The following DOK6 variants were observed in gnomAD, a reference collection of about 807,000 sequenced individuals.
DOK6 encodes the protein downstream of tyrosine kinase 6.
DOK6 carries 22 observed loss-of-function variants against 44.0 expected under a neutral mutation model. The observed-to-expected ratio is 0.50, with a 90% confidence interval of 0.36 to 0.71. The LOEUF is 0.71. Ranked by LOEUF, DOK6 falls within the 30% of genes least tolerant of loss-of-function variation. DOK6 has a pLI of 0.00. For synonymous variants in DOK6, 166 were observed against 145.5 expected, an observed-to-expected ratio of 1.14 and a Z score of -1.01; for missense variants, 340 against 416.4, an observed-to-expected ratio of 0.82 and a Z score of 1.60.
chr18:69,586,651 G>A (rs1387384122), intron 2 of DOK6, among the ~76,000 whole-genome samples: 1 of 152,166 alleles, frequency 6.6e-6, no homozygotes, highest in Admixed American at 6.5e-5. Flanking sequence ...CAGATGAAGA[G>A]CTCACCAGCT....
chr18:69,466,988 G>C (rs1335812848), intron 1 of DOK6, among the ~76,000 whole-genome samples: 3 of 151,972 alleles, frequency 2.0e-5, no homozygotes, highest in Non-Finnish European at 4.4e-5. Flanking sequence ...AAGGAGGAAA[G>C]ACCATGAAGG....
At chr18:69,470,702 A>T (rs953618245) in intron 1 of DOK6, among the ~76,000 whole-genome samples, 2 of 152,110 alleles carry the variant, frequency 1.3e-5, no homozygotes, top group African/African-American at 4.8e-5. Context: ...GCGGGAGGGA[A>T]TACATATATA....
chr18:69,445,132 C>T (rs181010058), intron 1 of DOK6, among the ~76,000 whole-genome samples: 266 of 152,170 alleles, frequency 1.7e-3, no homozygotes, highest in South Asian at 3.5e-3. Flanking sequence ...TTAATTGCTA[C>T]GGCATGGAAA....
In DOK6 at chr18:69,677,812, A is replaced by G; in HGVS notation, c.368A>G (p.Glu123Gly). The change falls in exon 4 of 8, where the codon GAG becomes GGG. Residue 123 changes from glutamate (E) to glycine (G), a missense_variant. Physicochemically the swap from Glu to Gly is moderately conservative, Grantham distance 98 (BLOSUM62 -2). Transcript: ENST00000382713. ...GTRLNDISLG[E>G]PDLLAAGVQR... is the part of the protein sequence containing the mutation. ...AGGCTCAATGATATCAGCCTTGGGG[A>G]GCCCGACCTTCTGGCCGCAGGAGTG... is the stretch of plus-strand genomic sequence containing the variant. 6.2e-7 allele frequency: 1 copy of G among 1,613,844 alleles called. No individual in the cohort carries two copies. Among genetic ancestry groups the G allele is most frequent in the Non-Finnish European group, 8.5e-7 (1 of 1,179,796 alleles).
chr18:69,812,999 A>T (rs775748430), intron 7 of DOK6, among the ~76,000 whole-genome samples: 7 of 152,138 alleles, frequency 4.6e-5, no homozygotes, highest in Non-Finnish European at 7.4e-5. Flanking sequence ...TATGAACGTG[A>T]CACATAAAAA....
Position 69,558,131 on chromosome 18 carries a change from C to T in DOK6, c.67-6356C>T, listed in dbSNP as rs549142265. 4.6e-5 allele frequency among the ~76,000 whole-genome samples: 7 copies of T among 152,168 alleles called. No homozygotes were observed. In the East Asian group the frequency reaches 7.7e-4, roughly 17 times the overall value. ...TCTCCAAGGAGTGATTTCCTGGTCT[C>T]GGGCAGTCATTTCTGCTGTTCAGTC... is the stretch of plus-strand genomic sequence containing the variant. On this transcript the variant is annotated intron_variant, in intron 1 of 7. Transcript: ENST00000382713.
chr18:69,800,485 T>A (rs1276562278), intron 7 of DOK6, among the ~76,000 whole-genome samples: 3 of 152,180 alleles, frequency 2.0e-5, no homozygotes, highest in Admixed American at 6.6e-5. Context: ...TCTGTATACA[T>A]GTGTAATACA....
At chr18:69,585,388 T>C (rs1983475306) in intron 2 of DOK6, among the ~76,000 whole-genome samples, 1 of 152,202 alleles carries the variant, frequency 6.6e-6, no homozygotes, top group Non-Finnish European at 1.5e-5. Context: ...TAAGACTTTT[T>C]TATCACCATC....
intron 3 of DOK6, among the ~76,000 whole-genome samples, chr18:69,668,411 C>A (rs569856221): frequency 2.7e-4 from 41 of 151,970 alleles, no homozygotes; most frequent in Non-Finnish European, 5.3e-4. Flanking sequence ...TCATGCTATT[C>A]TTTTCATTTT....
At chr18:69,570,573 T>C (rs984686380) in intron 2 of DOK6, among the ~76,000 whole-genome samples, 1 of 152,118 alleles carries the variant, frequency 6.6e-6, no homozygotes, top group African/African-American at 2.4e-5. Context: ...GACATGAATT[T>C]ACAGATTTAA....
At chr18:69,827,854 A>C (rs1981785587) in intron 7 of DOK6, among the ~76,000 whole-genome samples, 1 of 151,982 alleles carries the variant, frequency 6.6e-6, no homozygotes, top group Non-Finnish European at 1.5e-5. Flanking sequence ...TCTCATGAAA[A>C]TGTGTTTTCT....
At chr18:69,778,073 C>T (rs1339676978) in intron 7 of DOK6, 1 of 151,940 alleles carries the variant, frequency 6.6e-6, no homozygotes, top group African/African-American at 2.4e-5. Context: ...ATAACTGTAG[C>T]TGAAAAGAGA....
At chr18:69,424,847 T>A (rs1419319901) in intron 1 of DOK6, among the ~76,000 whole-genome samples, 1 of 152,176 alleles carries the variant, frequency 6.6e-6, no homozygotes, top group Non-Finnish European at 1.5e-5. Context: ...GTGCATGAGC[T>A]TGTTAAACAT....
rs548017817 is a variant in DOK6 at position 69,642,599 on chromosome 18, TC to T, written c.290-35134del. ...CTACCTGCCTTTTTTTCATTTTTAT[TC>T]TTTTTTTATTTCAAAATATTGACAT... On this transcript the variant is annotated intron_variant, in intron 3 of 7. Coordinates refer to ENST00000382713, the MANE Select transcript of DOK6 (RefSeq NM_152721.6). 1.4e-4 allele frequency among the ~76,000 whole-genome samples: 22 copies of T among 152,334 alleles called. No homozygotes were observed. The East Asian group carries it at 4.2e-3, about 29-fold the overall frequency.
chr18:69,465,509 A>G (rs1979900051), intron 1 of DOK6, among the ~76,000 whole-genome samples: 1 of 143,202 alleles, frequency 7.0e-6, no homozygotes, highest in African/African-American at 2.6e-5. Flanking sequence ...TCCTGTGTCC[A>G]TGTGTTCTCA....
At chr18:69,691,242 T>G (rs1054292267) in intron 4 of DOK6, among the ~76,000 whole-genome samples, 1 of 151,564 alleles carries the variant, frequency 6.6e-6, no homozygotes, top group African/African-American at 2.4e-5. Flanking sequence ...AATATAGAAT[T>G]GGACTTTCTT....
At chr18:69,601,186 G>A (rs7240420) in intron 3 of DOK6, among the ~76,000 whole-genome samples, 140,513 of 152,228 alleles carry the variant, frequency 0.92, 65,914 homozygotes, top group East Asian at 1. Context: ...ACTCTTTTCT[G>A]CCTCATTTAT....
At chr18:69,568,889 G>A (rs1037068542) in intron 2 of DOK6, among the ~76,000 whole-genome samples, 6 of 151,602 alleles carry the variant, frequency 4.0e-5, no homozygotes, top group African/African-American at 1.5e-4. Context: ...CCCCAGATGG[G>A]ACCATCTAGT....
intron 1 of DOK6, among the ~76,000 whole-genome samples, chr18:69,479,636 A>G (rs996589196): frequency 2.0e-5 from 3 of 152,172 alleles, no homozygotes; most frequent in Non-Finnish European, 2.9e-5. Context: ...AACTTAAAAT[A>G]TTCTTCTCCA....
Sources: allele counts gnomAD v4.1 joint callset (sites outside exome capture counted in the v4.1 genomes callset), GRCh38; gene constraint gnomAD v4.1.1; transcripts MANE v1.5; gene names NCBI Gene and HGNC (gene_info 2026-07-23, HGNC 2026-07-21).